Variants in CNTNAP2 observed in about 807,000 individuals in gnomAD.
CNTNAP2 encodes the protein contactin-associated protein-like 2.
Under a neutral mutation model 155.2 loss-of-function variants are expected in CNTNAP2, and 98 were observed. That is an observed-to-expected ratio of 0.63 (90% CI 0.54 to 0.75). The LOEUF (loss-of-function observed/expected upper bound fraction) is 0.75. Ranked by LOEUF, CNTNAP2 falls within the 30% of genes least tolerant of loss-of-function variation. The probability of loss-of-function intolerance (pLI) is 0.00; values close to 1 mark genes in which losing one functional copy is unlikely to be tolerated. For missense variants in CNTNAP2, 1,727 were observed against 1,688.1 expected, an observed-to-expected ratio of 1.02 and a Z score of -0.40; for synonymous variants, 651 against 631.2, an observed-to-expected ratio of 1.03 and a Z score of -0.47.
intron 1 of CNTNAP2, among the ~76,000 whole-genome samples, chr7:146,195,703 C>T (rs1185210187): frequency 6.6e-6 from 1 of 152,256 alleles, no homozygotes; most frequent in African/African-American, 2.4e-5. Flanking sequence ...CCCAGGGTGA[C>T]CAGCCAGCCC....
At chr7:146,675,942 G>GAAAA (rs1314324550) in intron 1 of CNTNAP2, among the ~76,000 whole-genome samples, 1 of 151,988 alleles carries the variant, frequency 6.6e-6, no homozygotes, top group Non-Finnish European at 1.5e-5. Context: ...TTGCATACTA[G>GAAAA]GAAACACAAA....
intron 1 of CNTNAP2, among the ~76,000 whole-genome samples, chr7:146,152,719 G>A (rs1584775126): frequency 6.6e-6 from 1 of 152,066 alleles, no homozygotes; most frequent in East Asian, 1.9e-4. Flanking sequence ...TCACCACATG[G>A]ACAATATAAC....
intron 1 of CNTNAP2, among the ~76,000 whole-genome samples, chr7:146,445,051 A>G (rs189520643): frequency 2.6e-5 from 4 of 152,234 alleles, no homozygotes; most frequent in African/African-American, 9.6e-5. Flanking sequence ...CATAAACAAA[A>G]AAACTTCCTT....
chr7:148,341,478 A>C (rs965780338), intron 21 of CNTNAP2, among the ~76,000 whole-genome samples: 5 of 152,138 alleles, frequency 3.3e-5, no homozygotes, highest in African/African-American at 1.2e-4. Flanking sequence ...ATTAACTATT[A>C]AGTATTGATA....
At chr7:146,206,324 A>C (rs1238558038) in intron 1 of CNTNAP2, among the ~76,000 whole-genome samples, 2 of 151,868 alleles carry the variant, frequency 1.3e-5, no homozygotes, top group African/African-American at 4.8e-5. Context: ...GCTTAATGAA[A>C]CATATACGTG....
At chr7:148,201,151 A>C (rs1795363496) in intron 18 of CNTNAP2, among the ~76,000 whole-genome samples, 1 of 152,250 alleles carries the variant, frequency 6.6e-6, no homozygotes, top group Non-Finnish European at 1.5e-5. Context: ...CAGAATAAAA[A>C]TAATTACAGA....
At chr7:146,696,703 T>A (rs992463773) in intron 1 of CNTNAP2, among the ~76,000 whole-genome samples, 1 of 152,162 alleles carries the variant, frequency 6.6e-6, no homozygotes, top group Non-Finnish European at 1.5e-5. Flanking sequence ...ATCCCACACA[T>A]TTTGAAAAGT....
chr7:147,515,140 CGT>C (rs1255423360), intron 11 of CNTNAP2, among the ~76,000 whole-genome samples: 5 of 151,998 alleles, frequency 3.3e-5, no homozygotes, highest in Non-Finnish European at 7.4e-5. Context: ...CAGGGCATGG[CGT>C]GTGCTGTTCT....
chr7:146,750,097 C>A (rs1300314800), intron 1 of CNTNAP2, among the ~76,000 whole-genome samples: 2 of 152,148 alleles, frequency 1.3e-5, no homozygotes, highest in African/African-American at 4.8e-5. Context: ...TAGCATAGAG[C>A]AAAGGATTGC....
chr7:148,206,083 G>C (rs978583107), intron 18 of CNTNAP2, among the ~76,000 whole-genome samples: 1 of 151,172 alleles, frequency 6.6e-6, no homozygotes, highest in African/African-American at 2.4e-5. Context: ...AATTACTTGT[G>C]TGTATACAAA....
intron 16 of CNTNAP2, among the ~76,000 whole-genome samples, chr7:148,129,495 C>T (rs1804783001): frequency 6.6e-6 from 1 of 152,026 alleles, no homozygotes; most frequent in African/African-American, 2.4e-5. Context: ...GGAATGATTG[C>T]ATATGTAAAA....
chr7:146,686,565 A>T (rs1800604421), intron 1 of CNTNAP2, among the ~76,000 whole-genome samples: 1 of 152,152 alleles, frequency 6.6e-6, no homozygotes, highest in African/African-American at 2.4e-5. Context: ...CTTCTGTAAG[A>T]TCGAGGCACA....
At chr7:146,308,487 C>T (rs997304494) in intron 1 of CNTNAP2, among the ~76,000 whole-genome samples, 5 of 152,048 alleles carry the variant, frequency 3.3e-5, no homozygotes, top group Non-Finnish European at 7.4e-5. Context: ...CGCATATACC[C>T]AAAAGATTAT....
chr7:146,614,984 T>C (rs1198595396), intron 1 of CNTNAP2, among the ~76,000 whole-genome samples: 4 of 152,298 alleles, frequency 2.6e-5, no homozygotes, highest in Admixed American at 2.6e-4. Flanking sequence ...AAAAAAGCTT[T>C]TGAAAAAAGA....
intron 1 of CNTNAP2, among the ~76,000 whole-genome samples, chr7:146,334,647 A>G (rs1301901810): frequency 6.6e-6 from 1 of 152,040 alleles, no homozygotes; most frequent in African/African-American, 2.4e-5. Context: ...TTCTACCTGT[A>G]GATATCCATT....
chr7:146,763,407 T>G (rs142396956), intron 1 of CNTNAP2, among the ~76,000 whole-genome samples: 27 of 152,278 alleles, frequency 1.8e-4, no homozygotes, highest in Middle Eastern at 3.4e-3. Flanking sequence ...CATCTTCCTG[T>G]CATGCCCTAT....
intron 12 of CNTNAP2, among the ~76,000 whole-genome samples, chr7:147,633,498 G>A (rs1184319465): frequency 6.6e-6 from 1 of 152,130 alleles, no homozygotes; most frequent in Non-Finnish European, 1.5e-5. Context: ...CATTGGAAAG[G>A]CATGATTGTG....
intron 9 of CNTNAP2, among the ~76,000 whole-genome samples, chr7:147,310,180 A>T (rs1340154496): frequency 6.6e-6 from 1 of 152,122 alleles, no homozygotes; most frequent in Non-Finnish European, 1.5e-5. Context: ...TTATCATTAC[A>T]ATTATTGTGA....
intron 1 of CNTNAP2, among the ~76,000 whole-genome samples, chr7:146,512,211 A>G (rs1046913718): frequency 6.6e-6 from 1 of 150,932 alleles, no homozygotes; most frequent in African/African-American, 2.4e-5. Context: ...AGCTTTGTCA[A>G]TTTTGATTAT....
Sources: allele counts gnomAD v4.1 joint callset (sites outside exome capture counted in the v4.1 genomes callset), GRCh38; gene constraint gnomAD v4.1.1; transcripts MANE v1.5; gene names NCBI Gene and HGNC (gene_info 2026-07-23, HGNC 2026-07-21).